ADAM10: variants seen among roughly 807,000 people sequenced by gnomAD.
ADAM10 encodes disintegrin and metalloproteinase domain-containing protein 10.
In ADAM10, 17 loss-of-function variants were observed where a neutral mutation model predicts 90.1. The observed-to-expected ratio is 0.19, with a 90% CI of 0.13 to 0.28. The LOEUF is 0.28. Ranked by LOEUF, ADAM10 falls within the 10% of genes least tolerant of loss-of-function variation. The probability of loss-of-function intolerance (pLI) is 1.00; values close to 1 mark genes in which losing one functional copy is unlikely to be tolerated. For missense variants in ADAM10, 610 were observed against 914.3 expected, an observed-to-expected ratio of 0.67 and a Z score of 4.29; for synonymous variants, 310 against 298.6, an observed-to-expected ratio of 1.04 and a Z score of -0.40.
rs1240258995 is a variant in ADAM10, at chr15:58,633,918, A to AG, written c.1013-560dup. ...AAGAAGGTTAAAAAAAAAAAAAAAG[A>AG]GGGGGTAGAGGAAAGAAGGAAAAAG... On this transcript the variant is annotated intron_variant, in intron 8 of 15. Coordinates refer to ENST00000260408, the MANE Select transcript of ADAM10 (RefSeq NM_001110.4). 2.0e-5 allele frequency among the ~76,000 whole-genome samples: 3 copies of AG among 148,682 alleles called. No homozygotes were observed. In the East Asian group the frequency reaches 6.0e-4, roughly 30 times the overall value.
intron 11 of ADAM10, among the ~76,000 whole-genome samples, chr15:58,615,243 G>A (rs916827703): frequency 6.5e-5 from 9 of 138,486 alleles, no homozygotes; most frequent in Admixed American, 3.1e-4. Flanking sequence ...CACTGCACTC[G>A]AGCCTGGGCT....
chr15:58,747,975 G>A lies in ADAM10; in HGVS notation c.55+1505C>T, dbSNP rs547461139. ...AATCACAAAAAGTGAAAAAAGATAG[G>A]AAAACGATTTGTTGAAAGCCACGTT... is the stretch of plus-strand genomic sequence containing the variant. On this transcript the variant is annotated intron_variant, in intron 1 of 15. Coordinates refer to ENST00000260408, the MANE Select transcript of ADAM10 (RefSeq NM_001110.4). 8 of 152,188 alleles carry A rather than the reference G, an allele frequency of 5.3e-5. No homozygotes were observed. The South Asian group carries it at 1.0e-3, about 20-fold the overall frequency. The allele number at this position is 152,188 out of a possible 1,614,324, so 9.4% of individuals were successfully genotyped here. A position where few individuals can be genotyped will look rare whatever the true frequency, so the allele number is the denominator to read the frequency against.
At chr15:58,731,098 T>A (rs553052498) in intron 1 of ADAM10, among the ~76,000 whole-genome samples, 1 of 152,162 alleles carries the variant, frequency 6.6e-6, no homozygotes, top group Non-Finnish European at 1.5e-5. Context: ...ATTGGTTCTG[T>A]CTCTCTGGAA....
At chr15:58,731,368 T>C (rs559358180) in intron 1 of ADAM10, among the ~76,000 whole-genome samples, 25 of 152,110 alleles carry the variant, frequency 1.6e-4, no homozygotes, top group African/African-American at 6.0e-4. Context: ...CCTGTAATCC[T>C]AACACTTTGG....
chr15:58,668,730 G>T (rs1250301308), intron 4 of ADAM10, among the ~76,000 whole-genome samples: 1 of 152,018 alleles, frequency 6.6e-6, no homozygotes, highest in African/African-American at 2.4e-5. Context: ...TCCCCTGAAG[G>T]TTTTTAATCT....
At chr15:58,641,075 C>T in intron 7 of ADAM10, 115 bp from the exon 8 acceptor site, 1 of 1,041,374 alleles carries the variant, frequency 9.6e-7, no homozygotes. Context: ...GGAAATCAGG[C>T]CTGAATTAAG....
intron 2 of ADAM10, among the ~76,000 whole-genome samples, chr15:58,702,396 T>A (rs1898161557): frequency 6.6e-6 from 1 of 151,944 alleles, no homozygotes; most frequent in Non-Finnish European, 1.5e-5. Context: ...GATAGCAGAG[T>A]AGGGTGACTA....
At chr15:58,683,493 C>G (rs542463836) in intron 2 of ADAM10, among the ~76,000 whole-genome samples, 1 of 152,134 alleles carries the variant, frequency 6.6e-6, no homozygotes, top group South Asian at 2.1e-4. Flanking sequence ...AATTCCATTT[C>G]TAGAAATGTA....
chr15:58,691,059 T>C (rs1156939184), intron 2 of ADAM10: 1 of 596,032 alleles, frequency 1.7e-6, no homozygotes, highest in East Asian at 3.2e-5. Flanking sequence ...CATAGAGTTG[T>C]CCCAAAATGC....
Position 58,717,740 on chromosome 15 carries a change from A to G in ADAM10, c.56-13T>C, listed in dbSNP as rs1291941458. On this transcript the variant is annotated splice_polypyrimidine_tract_variant and intron_variant, in intron 1 of 15. Coordinates refer to ENST00000260408, the MANE Select transcript of ADAM10 (RefSeq NM_001110.4). The stretch of plus-strand genomic sequence containing the variant: ...TTCCCATACTGACCTATAAAAAAAA[A>G]ACAACATTCTGAATTAGTATCATCT... The G allele has an allele frequency of 3.7e-6, 6 of 1,608,606 alleles. No homozygotes were observed. Among genetic ancestry groups the G allele is most frequent in the Non-Finnish European group, 5.1e-6 (6 of 1,178,112 alleles).
At chr15:58,602,202 C>G (rs1488131195) in intron 14 of ADAM10, among the ~76,000 whole-genome samples, 2 of 152,152 alleles carry the variant, frequency 1.3e-5, no homozygotes, top group East Asian at 3.8e-4. Context: ...ATGTCCTCAT[C>G]ATTCTTTGAG....
intron 2 of ADAM10, chr15:58,692,930 C>T (rs747015831): frequency 1.4e-6 from 1 of 710,232 alleles, no homozygotes; most frequent in Non-Finnish European, 2.7e-6. Flanking sequence ...ATGCCAATGC[C>T]TGTGTTGACC....
intron 1 of ADAM10, among the ~76,000 whole-genome samples, chr15:58,744,156 C>T (rs994268033): frequency 4.0e-5 from 6 of 151,894 alleles, no homozygotes; most frequent in Admixed American, 2.0e-4. Flanking sequence ...CACATTAGTA[C>T]CACATCATTC....
chr15:58,736,747 G>A (rs1899443154), intron 1 of ADAM10, among the ~76,000 whole-genome samples: 1 of 151,964 alleles, frequency 6.6e-6, no homozygotes, highest in African/African-American at 2.4e-5. Flanking sequence ...ATTAAAAAAA[G>A]AAACACAGTA....
chr15:58,675,055 G>T (rs1449024081), intron 4 of ADAM10, among the ~76,000 whole-genome samples: 1 of 152,188 alleles, frequency 6.6e-6, no homozygotes, highest in African/African-American at 2.4e-5. Flanking sequence ...AATTAGCTGG[G>T]CGTGATGGCA....
chr15:58,644,781 A>C (rs2140693427), intron 6 of ADAM10, among the ~76,000 whole-genome samples: 1 of 152,248 alleles, frequency 6.6e-6, no homozygotes, highest in East Asian at 1.9e-4. Context: ...TATTCTTGGC[A>C]CTGTTTTAGG....
intron 14 of ADAM10, among the ~76,000 whole-genome samples, chr15:58,608,499 C>T (rs527879475): frequency 4.6e-5 from 7 of 152,260 alleles, no homozygotes; most frequent in South Asian, 4.2e-4. Flanking sequence ...AACAGCCTAG[C>T]GGTACTCTTC....
intron 2 of ADAM10, among the ~76,000 whole-genome samples, chr15:58,689,947 C>CCCT (rs1555418405): frequency 7.9e-6 from 1 of 127,374 alleles, no homozygotes; most frequent in East Asian, 3.1e-4. Flanking sequence ...AAGACAGACC[C>CCCT]CCCCCAAAAA....
intron 2 of ADAM10, among the ~76,000 whole-genome samples, chr15:58,712,471 A>G (rs1346128886): frequency 6.8e-6 from 1 of 147,920 alleles, no homozygotes; most frequent in Non-Finnish European, 1.5e-5. Context: ...TTTCAGTGAA[A>G]TAAGATCTCA....
Sources: allele counts gnomAD v4.1 joint callset (sites outside exome capture counted in the v4.1 genomes callset), GRCh38; gene constraint gnomAD v4.1.1; transcripts MANE v1.5; gene names NCBI Gene and HGNC (gene_info 2026-07-23, HGNC 2026-07-21).